The following NCOA2 variants were observed in gnomAD, a reference collection of about 807,000 sequenced individuals.
The protein encoded by NCOA2 is nuclear receptor coactivator 2, also known as class E basic helix-loop-helix protein 75.
Under a neutral mutation model 145.1 loss-of-function variants are expected in NCOA2, and 21 were observed. The observed-to-expected ratio is 0.14, with a 90% CI of 0.10 to 0.21. NCOA2 has a LOEUF of 0.21. NCOA2 is among the 10% of genes least tolerant of loss of function. The pLI, the probability that NCOA2 is intolerant of heterozygous loss-of-function variation, is 1.00. For synonymous variants in NCOA2, 619 were observed against 637.5 expected (o/e 0.97, Z 0.44); for missense variants, 1,472 against 1,837.6 (o/e 0.80, Z 3.64).
intron 12 of NCOA2, among the ~76,000 whole-genome samples, chr8:70,147,835 A>C (rs186468771): frequency 1.9e-4 from 29 of 152,220 alleles, no homozygotes; most frequent in Non-Finnish European, 3.7e-4. Flanking sequence ...ATTTTTTGTT[A>C]CTACCAGCTG....
chr8:70,391,502 GA>G (rs951677964), intron 1 of NCOA2, among the ~76,000 whole-genome samples: 9 of 152,216 alleles, frequency 5.9e-5, no homozygotes, highest in African/African-American at 2.2e-4. Context: ...AACATGCCAT[GA>G]AAAGGTCCAA....
At chr8:70,237,072 A>G (rs75767873) in intron 2 of NCOA2, among the ~76,000 whole-genome samples, 7,540 of 152,348 alleles carry the variant, frequency 0.049, 274 homozygotes, top group East Asian at 0.16. Context: ...CTTAATATTC[A>G]TGGAATAAAT....
At chr8:70,364,829 GTTTTTTTTTTT>G (rs5892229) in intron 1 of NCOA2, among the ~76,000 whole-genome samples, 2 of 137,606 alleles carry the variant, frequency 1.5e-5, no homozygotes, top group East Asian at 4.0e-4. Context: ...AAAAAGGTTT[GTTTTTTTTTTT>G]TTTTCCCCCA....
Position 70,110,695 on chromosome 8 carries a change from A to G in NCOA2, c.*2937T>C, listed in dbSNP as rs1450133474. ...ACAGATTAAAAATTGCATTATATAAACTGCAAAAACATTGCTTTCAATTAT... is the reference window on the plus strand; with the variant it reads ...ACAGATTAAAAATTGCATTATATAAGCTGCAAAAACATTGCTTTCAATTAT... On this transcript the variant is annotated 3_prime_UTR_variant, in exon 23 of 23. Transcript: ENST00000452400. The G allele has an allele frequency of 9.2e-6, 2 of 217,994 alleles. No homozygotes were observed. The highest frequency in any genetic ancestry group is 3.7e-4 in the South Asian group (2 of 5,394). 13.5% of individuals were successfully genotyped at this position (217,994 alleles called of 1,614,324 possible). A position where few individuals can be genotyped will look rare whatever the true frequency, so the allele number is the denominator to read the frequency against.
intron 1 of NCOA2, among the ~76,000 whole-genome samples, chr8:70,303,790 G>C (rs1053564273): frequency 6.6e-6 from 1 of 151,864 alleles, no homozygotes; most frequent in Non-Finnish European, 1.5e-5. Context: ...ACAGAATTAC[G>C]GCGGAGGGGG....
At chr8:70,241,698 G>T (rs149480372) in intron 2 of NCOA2, among the ~76,000 whole-genome samples, 198 of 152,156 alleles carry the variant, frequency 1.3e-3, no homozygotes, top group Admixed American at 5.6e-3. Context: ...CTGAAATCCT[G>T]CACCACTGAC....
rs1255433905 is a variant in NCOA2 at position 70,112,548 on chromosome 8, T to G, written c.*1084A>C. 4.9e-6 allele frequency: 1 copy of G among 205,712 alleles called. No individual in the cohort carries two copies. Among genetic ancestry groups the G allele is most frequent in the Non-Finnish European group, 9.9e-6 (1 of 100,732 alleles). 12.7% of individuals were successfully genotyped at this position (205,712 alleles called of 1,614,324 possible). ...TTTTCTCCCATTTTGGAGGCCAGAG[T>G]TGCTGGGGAACAGAATAAACATGCT... On this transcript the variant is annotated 3_prime_UTR_variant, in exon 23 of 23. Coordinates refer to ENST00000452400, the MANE Select transcript of NCOA2 (RefSeq NM_006540.4).
intron 4 of NCOA2, among the ~76,000 whole-genome samples, chr8:70,186,356 G>T (rs1816069130): frequency 6.6e-6 from 1 of 152,190 alleles, no homozygotes; most frequent in Non-Finnish European, 1.5e-5. Context: ...CATACAAAGT[G>T]TATGTCCTCC....
chr8:70,172,331 TG>T lies in NCOA2; in HGVS notation c.364-1953del, dbSNP rs529561127. On this transcript the variant is annotated intron_variant, in intron 5 of 22. Coordinates refer to ENST00000452400, the MANE Select transcript of NCOA2 (RefSeq NM_006540.4). ...AACAATGAATTTGGTGGATGGGGCC[TG>T]AAGTGTTTACTTTTTCCCTAGTTTG... 4.8e-3 allele frequency among the ~76,000 whole-genome samples: 734 copies of T among 152,352 alleles called. 4 individuals are homozygous for T. The highest frequency in any genetic ancestry group is 6.1e-3 in the Non-Finnish European group (412 of 68,026).
rs1411121418 is a variant in NCOA2, at chr8:70,156,660, T to C, written c.1705A>G (p.Met569Val). The C allele has an allele frequency of 6.2e-7, 1 of 1,613,968 alleles. No homozygotes were observed. Among genetic ancestry groups the C allele is most frequent in the African/African-American group, 1.3e-5 (1 of 75,034 alleles). ...MGNLQNSPVN[M>V]NPPPLSKMGS... is the part of the protein sequence containing the mutation. ...ATCTTGCTGAGTGGGGGAGGATTCA[T>C]ATTAACTGGGGAGTTTTGCAAATTG... The change falls in exon 11 of 23, where the codon ATG becomes GTG. Residue 569 changes from methionine to valine, a missense_variant. Physicochemically the swap from Met to Val is conservative, Grantham distance 21 (BLOSUM62 1). Coordinates refer to ENST00000452400, the MANE Select transcript of NCOA2 (RefSeq NM_006540.4).
chr8:70,207,851 T>G (rs1171935394), intron 4 of NCOA2, among the ~76,000 whole-genome samples: 1 of 111,108 alleles, frequency 9.0e-6, no homozygotes, highest in South Asian at 2.7e-4. Context: ...TGACAGAGCC[T>G]GACTCCACCT....
chr8:70,281,342 C>A (rs1329456531), intron 2 of NCOA2, among the ~76,000 whole-genome samples: 3 of 113,622 alleles, frequency 2.6e-5, no homozygotes, highest in Non-Finnish European at 3.3e-5. Flanking sequence ...GGTGACAGAG[C>A]GAGACCCTGT....
At chr8:70,134,606 C>A (rs1397926060) in intron 15 of NCOA2, among the ~76,000 whole-genome samples, 1 of 152,198 alleles carries the variant, frequency 6.6e-6, no homozygotes, top group Admixed American at 6.5e-5. Context: ...CTGGCGGAAA[C>A]CCACTGTCAG....
intron 2 of NCOA2, among the ~76,000 whole-genome samples, chr8:70,259,213 C>G (rs537305883): frequency 6.6e-6 from 1 of 152,288 alleles, no homozygotes; most frequent in South Asian, 2.1e-4. Context: ...AGACCTTCCC[C>G]TCTCTCTCAA....
chr8:70,213,728 A>G (rs1819294817), intron 4 of NCOA2, among the ~76,000 whole-genome samples, 175 bp downstream of exon 4: 2 of 152,164 alleles, frequency 1.3e-5, no homozygotes, highest in South Asian at 2.1e-4. Flanking sequence ...TTTTATACAA[A>G]GCCTATTTAT....
At chr8:70,243,815 G>C (rs1366879660) in intron 2 of NCOA2, among the ~76,000 whole-genome samples, 1 of 148,358 alleles carries the variant, frequency 6.7e-6, no homozygotes, top group Non-Finnish European at 1.5e-5. Flanking sequence ...AAAAGAATGT[G>C]GGAGAATACG....
intron 1 of NCOA2, among the ~76,000 whole-genome samples, chr8:70,347,496 GA>G (rs955188927): frequency 9.8e-4 from 140 of 143,414 alleles, no homozygotes; most frequent in African/African-American, 3.4e-3. Context: ...AAAAAAAAAA[GA>G]AAAAAAAAAT....
the NCOA2 span, among the ~76,000 whole-genome samples, chr8:70,440,760 A>G: frequency 7.1e-6 from 1 of 141,170 alleles, no homozygotes; most frequent in South Asian, 2.2e-4. Context: ...AGAGAGAAAG[A>G]GGAAAGAAAG....
chr8:70,225,417 C>T (rs1315827457), intron 2 of NCOA2, among the ~76,000 whole-genome samples: 1 of 151,860 alleles, frequency 6.6e-6, no homozygotes, highest in South Asian at 2.1e-4. Flanking sequence ...GGTGTGTTGG[C>T]GCATGCCTGT....
Sources: gnomAD v4.1 joint callset for allele counts (sites outside exome capture counted in the v4.1 genomes callset) on GRCh38, gnomAD v4.1.1 for gene constraint, MANE v1.5 for transcripts, NCBI Gene and HGNC (gene_info 2026-07-23, HGNC 2026-07-21) for gene names.